WDR4: variants seen among roughly 807,000 people sequenced by gnomAD.
WDR4 encodes WDR4 tRNA N7-guanosine methyltransferase non-catalytic subunit, also known as tRNA (guanine-N(7)-)-methyltransferase non-catalytic subunit WDR4.
In WDR4, 47 loss-of-function variants were observed where a neutral mutation model predicts 48.6. That is an observed-to-expected ratio of 0.97 (90% CI 0.77 to 1.23). The LOEUF is 1.23. Ranked by LOEUF, WDR4 falls within the 50% of genes most tolerant of loss-of-function variation. WDR4 has a pLI of 0.00. For missense variants in WDR4, 606 were observed against 551.6 expected (o/e 1.10, Z -0.99); for synonymous variants, 268 against 230.0 (o/e 1.17, Z -1.49).
upstream of WDR4, among the ~76,000 whole-genome samples, chr21:42,881,158 G>A (rs532384339): frequency 9.9e-5 from 15 of 152,164 alleles, 1 homozygote; most frequent in African/African-American, 2.6e-4. Flanking sequence ...CGCCTGCCTC[G>A]GCCTCCCAAA....
upstream of WDR4, among the ~76,000 whole-genome samples, chr21:42,882,836 C>G (rs556911665): frequency 6.6e-6 from 1 of 152,094 alleles, no homozygotes; most frequent in Non-Finnish European, 1.5e-5. Context: ...CAGTGGCTAA[C>G]GCCTGTAATC....
At chr21:42,872,139 C>T (rs943153425) in intron 3 of WDR4, among the ~76,000 whole-genome samples, 1 of 152,070 alleles carries the variant, frequency 6.6e-6, no homozygotes, top group Non-Finnish European at 1.5e-5. Context: ...CACGCACCAC[C>T]ATGCCCAGCT....
intron 6 of WDR4, among the ~76,000 whole-genome samples, chr21:42,856,628 T>G (rs1027983873): frequency 1.3e-5 from 2 of 152,140 alleles, no homozygotes; most frequent in African/African-American, 4.8e-5. Context: ...ACTCATTAAA[T>G]CTAATGAGAG....
chr21:42,852,819 G>T (rs2146001102), intron 9 of WDR4, among the ~76,000 whole-genome samples: 1 of 152,024 alleles, frequency 6.6e-6, no homozygotes, highest in Non-Finnish European at 1.5e-5. Flanking sequence ...GGAGGCTGAG[G>T]CAGGAGAATC....
chr21:42,886,280 C>G, the WDR4 span, among the ~76,000 whole-genome samples: 1 of 152,020 alleles, frequency 6.6e-6, no homozygotes, highest in African/African-American at 2.4e-5. Context: ...AGAACATTCA[C>G]GTTTACAATA....
chr21:42,862,248 T>C lies in WDR4; in HGVS notation c.566+34A>G. ...GCTGACGCTGTTTTCAAACAGACCT[T>C]CTTTCTGCTGGAGGGGCAGGAAGGG... On this transcript the variant is annotated intron_variant, in intron 5 of 10. Coordinates refer to ENST00000398208, the MANE Select transcript of WDR4 (RefSeq NM_018669.6). This position sits in a 1 kb window ranked among gnomAD's most constrained non-coding sequence, Gnocchi z 4.3. 2 of 1,555,806 alleles carry C rather than the reference T, an allele frequency of 1.3e-6. No individual in the cohort carries two copies. Among genetic ancestry groups the C allele is most frequent in the South Asian group, 1.2e-5 (1 of 86,136 alleles).
At chr21:42,861,229 G>T (rs951651917) in intron 5 of WDR4, among the ~76,000 whole-genome samples, 1 of 151,232 alleles carries the variant, frequency 6.6e-6, no homozygotes, top group Non-Finnish European at 1.5e-5. Context: ...CAGGAGAATC[G>T]CTTGAACCTG....
intron 10 of WDR4, among the ~76,000 whole-genome samples, chr21:42,850,985 GC>G (rs2057812001): frequency 6.6e-6 from 1 of 152,092 alleles, no homozygotes. Context: ...CAGCCTCCCC[GC>G]CCCTCCAGCG....
Position 42,852,331 on chromosome 21 carries a change from G to C in WDR4, c.976-7C>G, listed in dbSNP as rs577625026. On this transcript the variant is annotated splice_region_variant and splice_polypyrimidine_tract_variant and intron_variant, in intron 9 of 10. Transcript: ENST00000398208. ...CGGTGCTCTCAGGAACAGACTGCAG[G>C]CGACAAACAGGAAATCTTCATCAGA... The C allele has an allele frequency of 6.2e-7, 1 of 1,613,802 alleles. No homozygotes were observed. Among genetic ancestry groups the C allele is most frequent in the South Asian group, 1.1e-5 (1 of 90,988 alleles).
intron 2 of WDR4, among the ~76,000 whole-genome samples, chr21:42,876,060 C>A (rs2058484006): frequency 6.6e-6 from 1 of 151,332 alleles, no homozygotes; most frequent in Admixed American, 6.6e-5. Flanking sequence ...GCTGGGACTA[C>A]AGGCGCCCAC....
intron 1 of WDR4, among the ~76,000 whole-genome samples, chr21:42,878,388 G>A (rs375515903): frequency 6.6e-6 from 1 of 152,328 alleles, no homozygotes; most frequent in East Asian, 1.9e-4. Context: ...AAAGACTGAA[G>A]GTAAGCAAAT....
At chr21:42,876,668 A>C (rs759509710) in intron 2 of WDR4, 34 bp downstream of exon 2, 2 of 1,601,878 alleles carry the variant, frequency 1.2e-6, no homozygotes, top group African/African-American at 2.7e-5. Flanking sequence ...CGAACCATTA[A>C]AGCAGGCCCT....
At chr21:42,845,966 C>A (rs150344466), downstream of WDR4, among the ~76,000 whole-genome samples, 1 of 152,152 alleles carries the variant, frequency 6.6e-6, no homozygotes, top group East Asian at 1.9e-4. Flanking sequence ...GACACCATCT[C>A]TACAAAAACT....
At chr21:42,856,209 G>A (rs577898695) in intron 6 of WDR4, among the ~76,000 whole-genome samples, 2 of 152,330 alleles carry the variant, frequency 1.3e-5, no homozygotes, top group African/African-American at 2.4e-5. Context: ...GTGGGCTCAT[G>A]AGCTCGTGGC....
At position 42,862,236 on chromosome 21, in the gene WDR4, T is replaced by A. The variant is rs1231008262; in HGVS notation, c.566+46A>T. 1 of 1,530,488 alleles carries A rather than the reference T, an allele frequency of 6.5e-7. No individual in the cohort carries two copies. The highest frequency in any genetic ancestry group is 8.9e-7 in the Non-Finnish European group (1 of 1,129,838). The allele number at this position is 1,530,488 out of a possible 1,614,324, so 94.8% of individuals were successfully genotyped here. ...GCTGAGCCGCAAGCTGACGCTGTTT[T>A]CAAACAGACCTTCTTTCTGCTGGAG... On this transcript the variant is annotated intron_variant, in intron 5 of 10. Transcript: ENST00000398208. The surrounding 1 kb of genome is among the most constrained non-coding windows in gnomAD (Gnocchi z 4.3).
At chr21:42,888,431 C>G in the WDR4 span, among the ~76,000 whole-genome samples, 2 of 152,048 alleles carry the variant, frequency 1.3e-5, no homozygotes, top group African/African-American at 4.8e-5. Context: ...TGGTACTGTG[C>G]ACCTGTAGTC....
At chr21:42,864,275 T>C (rs112390130) in intron 3 of WDR4, among the ~76,000 whole-genome samples, 8,562 of 151,712 alleles carry the variant, frequency 0.056, 359 homozygotes, top group Middle Eastern at 0.1. Flanking sequence ...CATCATGCAT[T>C]GAGGGAGACA....
the WDR4 span, among the ~76,000 whole-genome samples, chr21:42,887,774 C>T: frequency 3.3e-5 from 5 of 152,082 alleles, no homozygotes; most frequent in South Asian, 2.1e-4. Context: ...AAAACTTAGC[C>T]GGGCGTGGTG....
At chr21:42,871,503 C>T (rs2058368073) in intron 3 of WDR4, among the ~76,000 whole-genome samples, 1 of 152,252 alleles carries the variant, frequency 6.6e-6, no homozygotes, top group Admixed American at 6.5e-5. Flanking sequence ...CACTTCCCAT[C>T]TTCTCTATTC....
Sources: allele counts gnomAD v4.1 joint callset (sites outside exome capture counted in the v4.1 genomes callset), GRCh38; gene constraint gnomAD v4.1.1; non-coding constraint Gnocchi (gnomAD v3.1); transcripts MANE v1.5; gene names NCBI Gene and HGNC (gene_info 2026-07-23, HGNC 2026-07-21).